The following VASH1 variants were observed in gnomAD, a reference collection of about 807,000 sequenced individuals.
VASH1 encodes the protein vasohibin 1.
VASH1 carries 16 observed loss-of-function variants against 35.0 expected under a neutral mutation model. The observed-to-expected ratio is 0.46, with a 90% CI of 0.31 to 0.70. VASH1 has a LOEUF of 0.70. VASH1 is among the 30% of genes least tolerant of loss of function. The pLI is 0.05. For synonymous variants in VASH1, 214 were observed against 200.9 expected (o/e 1.07, Z -0.55); for missense variants, 505 against 510.7 (o/e 0.99, Z 0.11).
chr14:76,778,026 G>C lies in VASH1; in HGVS notation c.980G>C (p.Arg327Pro). ...DRKKDVSSPQ[R>P]AQSSPHRRNS... ...AAGAAGGATGTTTCTTCCCCGCAGC[G>C]GGCCCAGTCCAGCCCCCACCGCAGG... The change falls in exon 6 of 7, where the codon CGG becomes CCG. Residue 327 changes from arginine to proline, a missense_variant. Coordinates refer to ENST00000167106, the MANE Select transcript of VASH1 (RefSeq NM_014909.5). 6.5e-7 allele frequency: 1 copy of C among 1,541,686 alleles called. No homozygotes were observed. The highest frequency in any genetic ancestry group is 8.7e-7 in the Non-Finnish European group (1 of 1,144,506).
intron 6 of VASH1, among the ~76,000 whole-genome samples, chr14:76,778,680 C>T (rs1894013718): frequency 6.6e-6 from 1 of 152,222 alleles, no homozygotes; most frequent in African/African-American, 2.4e-5. Flanking sequence ...CAGATTTATA[C>T]TTTAAGCTGT....
In VASH1 at chr14:76,762,188, C is replaced by G. The variant is rs971788815; in HGVS notation, c.-634C>G. ...TGCGCGTCGGCGCGCGCCCCCTCCC[C>G]GCTCCCGGCCAGCTGCGAGTCTTGG... On this transcript the variant is annotated 5_prime_UTR_variant, in exon 1 of 7. Transcript: ENST00000167106. 2.6e-5 allele frequency: 4 copies of G among 152,216 alleles called. No homozygotes were observed. The highest frequency in any genetic ancestry group is 9.7e-5 in the African/African-American group (4 of 41,450). The allele number at this position is 152,216 out of a possible 1,614,324, so 9.4% of individuals were successfully genotyped here. A position where few individuals can be genotyped will look rare whatever the true frequency, so the allele number is the denominator to read the frequency against.
chr14:76,762,084 C>T lies in VASH1; in HGVS notation c.-738C>T, dbSNP rs2140169268. The T allele has an allele frequency of 6.6e-6, 1 of 152,476 alleles. No homozygotes were observed. Among genetic ancestry groups the T allele is most frequent in the South Asian group, 2.1e-4 (1 of 4,834 alleles). 9.4% of individuals were successfully genotyped at this position (152,476 alleles called of 1,614,324 possible). The stretch of plus-strand genomic sequence containing the variant: ...CCCGCTCCCTTTCTGGGGACTCCGC[C>T]GCTGTTTCTGGGGACGAGGGGACAG... On this transcript the variant is annotated 5_prime_UTR_variant, in exon 1 of 7. Transcript: ENST00000167106.
chr14:76,767,287 A>AAATAAAT (rs1566682341), intron 1 of VASH1, among the ~76,000 whole-genome samples: 1 of 102,056 alleles, frequency 9.8e-6, no homozygotes, highest in Admixed American at 1.1e-4. Flanking sequence ...AATAAATAAA[A>AAATAAAT]AGTCACGACT....
At position 76,761,843 on chromosome 14, in the gene VASH1, C is replaced by G. The variant is rs867270136; in HGVS notation, c.-979C>G. Among the ~76,000 whole-genome samples, 10 of 151,700 alleles carry G rather than the reference C, an allele frequency of 6.6e-5. No individual in the cohort carries two copies. The highest frequency in any genetic ancestry group is 1.5e-5 in the Non-Finnish European group (1 of 67,858). ...CCACCGCCCATGCTGCAGCCAGTCC[C>G]AGGCAGCGACCCCGCGGCCGCAGCC... On this transcript the variant is annotated 5_prime_UTR_variant, in exon 1 of 7. Transcript: ENST00000167106.
At chr14:76,772,698 G>A (rs1004247929) in intron 3 of VASH1, among the ~76,000 whole-genome samples, 7 of 152,250 alleles carry the variant, frequency 4.6e-5, no homozygotes, top group African/African-American at 7.2e-5. Flanking sequence ...ACAAGCTCCT[G>A]GGAGAAGCCA....
intron 1 of VASH1, among the ~76,000 whole-genome samples, chr14:76,768,807 T>C (rs3783995): frequency 0.026 from 3,928 of 151,828 alleles, 134 homozygotes; most frequent in East Asian, 0.15. Context: ...ATCGGGTGGG[T>C]GGGCTCAGTG....
In VASH1 at chr14:76,779,053, T is replaced by A. The variant is rs756835879; in HGVS notation, c.*35T>A. 29 of 1,608,370 alleles carry A rather than the reference T, an allele frequency of 1.8e-5. No homozygotes were observed. Among genetic ancestry groups the A allele is most frequent in the Non-Finnish European group, 2.1e-5 (25 of 1,175,912 alleles). Reference sequence around the variant, plus strand: ...CAGCACCCCAGGCCCCACCCACTCTTGGGGGCCAGGATCCACCTGCTGGAA... The same window carrying A: ...CAGCACCCCAGGCCCCACCCACTCTAGGGGGCCAGGATCCACCTGCTGGAA... On this transcript the variant is annotated 3_prime_UTR_variant, in exon 7 of 7. Coordinates refer to ENST00000167106, the MANE Select transcript of VASH1 (RefSeq NM_014909.5).
chr14:76,777,654 C>T (rs1893980964), intron 5 of VASH1, among the ~76,000 whole-genome samples: 1 of 152,238 alleles, frequency 6.6e-6, no homozygotes, highest in South Asian at 2.1e-4. Context: ...GCTCCCACAA[C>T]TGGCACGTTT....
At position 76,776,220 on chromosome 14, in the gene VASH1, C is replaced by T. The variant is rs200366202; in HGVS notation, c.859C>T (p.Arg287Cys). Residue 287 changes from arginine to cysteine, a missense_variant, in exon 5 of 7, where the codon CGC becomes TGC. Coordinates refer to ENST00000167106, the MANE Select transcript of VASH1 (RefSeq NM_014909.5). Reference sequence around the variant, plus strand: ...GGTGCTGGACGTGGAGCGCCTGGGCCGCGATGACTTCCGCAAGGAGCTGGA... The same window carrying T: ...GGTGCTGGACGTGGAGCGCCTGGGCTGCGATGACTTCCGCAAGGAGCTGGA... ...HSVLDVERLG[R>C]DDFRKELERH... is the part of the protein sequence containing the mutation. 3.7e-6 allele frequency: 6 copies of T among 1,608,868 alleles called. No homozygotes were observed. Among genetic ancestry groups the T allele is most frequent in the Non-Finnish European group, 3.4e-6 (4 of 1,179,396 alleles).
chr14:76,763,277 G>A (rs1893555365), intron 1 of VASH1, 147 bp downstream of exon 1: 1 of 860,882 alleles, frequency 1.2e-6, no homozygotes, highest in Admixed American at 4.2e-5. Context: ...TACCTGTCTA[G>A]GAGAACTTTC....
intron 3 of VASH1, among the ~76,000 whole-genome samples, chr14:76,771,631 C>G (rs904049825): frequency 6.6e-6 from 1 of 152,192 alleles, no homozygotes; most frequent in Non-Finnish European, 1.5e-5. Flanking sequence ...TCTGCGGCTG[C>G]CGCACTCCCC....
In VASH1 at chr14:76,779,516, G is replaced by A. The variant is rs1285289672; in HGVS notation, c.*498G>A. 4.3e-6 allele frequency: 3 copies of A among 701,430 alleles called. No homozygotes were observed. Among genetic ancestry groups the A allele is most frequent in the Admixed American group, 4.0e-5 (2 of 49,944 alleles). 43.5% of individuals were successfully genotyped at this position (701,430 alleles called of 1,614,324 possible). On this transcript the variant is annotated 3_prime_UTR_variant, in exon 7 of 7. Transcript: ENST00000167106. ...CTGCCCTGGCAGAATCTTGACCCAG[G>A]GAAAGGGAAGCAGGGTAGGAGTCCT...
At chr14:76,765,663 T>C (rs1208670457) in intron 1 of VASH1, among the ~76,000 whole-genome samples, 2 of 152,226 alleles carry the variant, frequency 1.3e-5, no homozygotes, top group African/African-American at 2.4e-5. Context: ...AAGTGTTTTG[T>C]TGGGAAAATT....
Position 76,771,012 on chromosome 14 carries a change from G to T in VASH1, c.399-178G>T, listed in dbSNP as rs11849733. Among the ~76,000 whole-genome samples the T allele has an allele frequency of 4.7e-3, 712 of 152,328 alleles. 2 individuals carry two copies. The highest frequency in any genetic ancestry group is 0.016 in the African/African-American group (679 of 41,570). ...AGAGAAGCCAGGGGAGAACAAGGGA[G>T]AAAGCCAAGGAGGGTGAGGGAGAGG... is the stretch of plus-strand genomic sequence containing the variant. On this transcript the variant is annotated intron_variant, in intron 2 of 6. Transcript: ENST00000167106.
Position 76,762,910 on chromosome 14 carries a change from G to T in VASH1, c.89G>T (p.Arg30Leu). ...GCCACCGCCCCCTCTGGGGTCAGGC[G>T]TTTGGAGACCAGCGAAGGAACCTCA... ...AAATAPSGVR[R>L]LETSEGTSAQ... The change falls in exon 1 of 7, where the codon CGT becomes CTT. Residue 30 changes from arginine (R) to leucine (L), a missense_variant. Transcript: ENST00000167106. The T allele has an allele frequency of 1.3e-6, 2 of 1,579,286 alleles. No individual in the cohort carries two copies. The highest frequency in any genetic ancestry group is 1.3e-5 in the African/African-American group (1 of 74,568).
intron 4 of VASH1, 56 bp downstream of exon 4, chr14:76,773,267 T>C (rs772094526): frequency 2.5e-6 from 4 of 1,575,884 alleles, no homozygotes; most frequent in Admixed American, 1.7e-5. Context: ...CTCAGCTTCC[T>C]GCTCTGAAAG....
chr14:76,775,832 C>T (rs1595277073), intron 4 of VASH1, 60 bp from the exon 5 acceptor site: 2 of 1,485,548 alleles, frequency 1.3e-6, no homozygotes, highest in Middle Eastern at 1.8e-4. Flanking sequence ...GGTCCCAGTC[C>T]CTCCCGGTGT....
At chr14:76,763,729 T>C (rs771566932) in intron 1 of VASH1, among the ~76,000 whole-genome samples, 4 of 152,166 alleles carry the variant, frequency 2.6e-5, no homozygotes, top group Non-Finnish European at 2.9e-5. Flanking sequence ...GGTCCTCTTC[T>C]CTGTTGGACA....
Sources: gnomAD v4.1 joint callset for allele counts (sites outside exome capture counted in the v4.1 genomes callset) on GRCh38, gnomAD v4.1.1 for gene constraint, MANE v1.5 for transcripts, NCBI Gene and HGNC (gene_info 2026-07-23, HGNC 2026-07-21) for gene names.